Variants in BRAF observed in about 807,000 individuals in gnomAD.
BRAF encodes B-Raf proto-oncogene, serine/threonine kinase, also known as serine/threonine-protein kinase B-raf.
BRAF carries 16 observed loss-of-function variants against 104.6 expected under a neutral mutation model. The observed-to-expected ratio is 0.15, with a 90% CI of 0.10 to 0.23. The LOEUF (loss-of-function observed/expected upper bound fraction) is 0.23. BRAF is among the 10% of genes least tolerant of loss of function. BRAF has a pLI of 1.00. For missense variants in BRAF, 541 were observed against 937.3 expected (o/e 0.58, Z 5.52); for synonymous variants, 310 against 341.6 (o/e 0.91, Z 1.02).
intron 3 of BRAF, among the ~76,000 whole-genome samples, chr7:140,817,918 A>G (rs1805045162): frequency 6.6e-6 from 1 of 152,246 alleles, no homozygotes; most frequent in Non-Finnish European, 1.5e-5. Context: ...CATTGAATGA[A>G]ATAGATCTGT....
chr7:140,883,192 C>T (rs1813148588), intron 1 of BRAF, among the ~76,000 whole-genome samples: 1 of 152,058 alleles, frequency 6.6e-6, no homozygotes, highest in Admixed American at 6.5e-5. Flanking sequence ...TGGTTTACTA[C>T]CTTTAATGTA....
intron 2 of BRAF, among the ~76,000 whole-genome samples, chr7:140,839,825 G>A (rs1586358649): frequency 1.3e-5 from 2 of 152,200 alleles, no homozygotes; most frequent in East Asian, 3.9e-4. Context: ...ATCTAATTAT[G>A]TGCTTAGACA....
chr7:140,843,612 T>A (rs1326207686), intron 2 of BRAF, among the ~76,000 whole-genome samples: 1 of 152,198 alleles, frequency 6.6e-6, no homozygotes, highest in African/African-American at 2.4e-5. Context: ...TCTAGAACAT[T>A]TATCTTCCAA....
chr7:140,910,746 C>T (rs1816876376), intron 1 of BRAF, among the ~76,000 whole-genome samples: 1 of 152,132 alleles, frequency 6.6e-6, no homozygotes, highest in African/African-American at 2.4e-5. Flanking sequence ...GTGATCATAG[C>T]TCACTGCAGC....
At chr7:140,836,968 C>T (rs1429995513) in intron 2 of BRAF, among the ~76,000 whole-genome samples, 2 of 152,154 alleles carry the variant, frequency 1.3e-5, no homozygotes, top group African/African-American at 4.8e-5. Context: ...TATTTCCTTA[C>T]CAAAATGTTA....
intron 8 of BRAF, 77 bp downstream of exon 8, chr7:140,794,231 T>C: frequency 8.4e-6 from 13 of 1,545,420 alleles, no homozygotes; most frequent in South Asian, 1.1e-5. Flanking sequence ...TTATTTCTGA[T>C]CTAAGTTATA....
Position 140,814,774 on chromosome 7 carries a change from C to CATATATATATTATATAACAT in BRAF, c.505-5780_505-5779insATGTTATATAATATATATAT, listed in dbSNP as rs531951692. ...TATATAACATATATATTATATATAA[C>CATATATATATTATATAACAT]ATATATATTATATATAACATATATA... On this transcript the variant is annotated intron_variant, in intron 3 of 19. Transcript: ENST00000644969. Among the ~76,000 whole-genome samples the CATATATATATTATATAACAT allele has an allele frequency of 3.0e-5, 4 of 135,132 alleles. 1 individual carries two copies. Among genetic ancestry groups the CATATATATATTATATAACAT allele is most frequent in the African/African-American group, 9.0e-5 (3 of 33,222 alleles). 88.7% of individuals were successfully genotyped at this position (135,132 alleles called of 152,430 possible). A position where few individuals can be genotyped will look rare whatever the true frequency, so the allele number is the denominator to read the frequency against.
At chr7:140,773,580 T>C (rs923472529) in intron 14 of BRAF, among the ~76,000 whole-genome samples, 8 of 152,178 alleles carry the variant, frequency 5.3e-5, no homozygotes, top group Non-Finnish European at 1.0e-4. Context: ...TCCAGAGATA[T>C]TTATTTTCCC....
chr7:140,761,954 C>T (rs60088791), intron 14 of BRAF, among the ~76,000 whole-genome samples: 11,728 of 152,096 alleles, frequency 0.077, 1,459 homozygotes, highest in African/African-American at 0.27. Context: ...ACTTTAACAT[C>T]CCACTGTCAA....
intron 1 of BRAF, among the ~76,000 whole-genome samples, chr7:140,858,179 G>A (rs1007837404): frequency 6.6e-6 from 1 of 152,116 alleles, no homozygotes. Context: ...AGATGAAGGG[G>A]AAAACATACC....
chr7:140,800,251 A>G (rs887817658), intron 7 of BRAF, 111 bp downstream of exon 7: 21 of 1,537,920 alleles, frequency 1.4e-5, no homozygotes, highest in Non-Finnish European at 1.8e-6. Context: ...ATTTGGGGAA[A>G]AAGTCCTTAA....
At chr7:140,825,590 C>T (rs1370629008) in intron 3 of BRAF, among the ~76,000 whole-genome samples, 2 of 152,098 alleles carry the variant, frequency 1.3e-5, no homozygotes, top group African/African-American at 2.4e-5. Flanking sequence ...ATACAGTAAA[C>T]CTTCTTGGAC....
At chr7:140,855,168 T>C (rs1185003654) in intron 1 of BRAF, among the ~76,000 whole-genome samples, 2 of 152,038 alleles carry the variant, frequency 1.3e-5, no homozygotes, top group Non-Finnish European at 2.9e-5. Flanking sequence ...TGATGACTCT[T>C]ATAAAATAGA....
intron 3 of BRAF, among the ~76,000 whole-genome samples, chr7:140,824,806 C>T (rs1805838640): frequency 1.3e-5 from 2 of 152,108 alleles, no homozygotes; most frequent in Non-Finnish European, 1.5e-5. Context: ...GGTATGGTCA[C>T]TCTAATTTCA....
At chr7:140,923,721 G>C (rs1361966332) in intron 1 of BRAF, among the ~76,000 whole-genome samples, 1 of 152,110 alleles carries the variant, frequency 6.6e-6, no homozygotes, top group African/African-American at 2.4e-5. Context: ...GAGGATTTGT[G>C]AAGATAACAA....
chr7:140,871,061 A>G (rs1323516110), intron 1 of BRAF, among the ~76,000 whole-genome samples: 1 of 151,514 alleles, frequency 6.6e-6, no homozygotes, highest in Non-Finnish European at 1.5e-5. Context: ...CCCTGTCTCT[A>G]CTAAAAATAC....
chr7:140,834,918 C>A (rs2129062374), intron 2 of BRAF, 46 bp from the exon 3 acceptor site: 1 of 1,605,142 alleles, frequency 6.2e-7, no homozygotes, highest in Non-Finnish European at 8.5e-7. Flanking sequence ...TTTGTCCTGA[C>A]ATTAACAAAA....
At chr7:140,762,751 G>A (rs933461157) in intron 14 of BRAF, among the ~76,000 whole-genome samples, 1 of 152,106 alleles carries the variant, frequency 6.6e-6, no homozygotes, top group Non-Finnish European at 1.5e-5. Flanking sequence ...AGAGGACCCT[G>A]CGGCCTTCCG....
chr7:140,720,438 C>CT lies in BRAF; in HGVS notation c.*6055dup. 9.4e-7 allele frequency: 1 copy of CT among 1,063,120 alleles called. No individual in the cohort carries two copies. The highest frequency in any genetic ancestry group is 5.1e-5 in the East Asian group (1 of 19,728). The allele number at this position is 1,063,120 out of a possible 1,614,324, so 65.9% of individuals were successfully genotyped here. A position where few individuals can be genotyped will look rare whatever the true frequency, so the allele number is the denominator to read the frequency against. On this transcript the variant is annotated 3_prime_UTR_variant, in exon 20 of 20. Coordinates refer to ENST00000644969, the MANE Select transcript of BRAF (RefSeq NM_001374258.1). The stretch of plus-strand genomic sequence containing the variant: ...ATAAATAAGACATAAAGGCTAGCCA[C>CT]TTACGTTGGTCATTAACATGAATAA...
Sources: gnomAD v4.1 joint callset for allele counts (sites outside exome capture counted in the v4.1 genomes callset) on GRCh38, gnomAD v4.1.1 for gene constraint, MANE v1.5 for transcripts, NCBI Gene and HGNC (gene_info 2026-07-23, HGNC 2026-07-21) for gene names.